SDHC: variants seen among roughly 807,000 people sequenced by gnomAD.
SDHC encodes the protein succinate dehydrogenase cytochrome b560 subunit, mitochondrial.
A neutral mutation model predicts 22.6 loss-of-function variants in SDHC; 11 were observed. The ratio of observed to expected loss-of-function variants is 0.49; its 90% CI spans 0.31 to 0.81. The LOEUF (loss-of-function observed/expected upper bound fraction) is 0.81. SDHC is among the 30% of genes least tolerant of loss of function. SDHC has a pLI of 0.05. For synonymous variants in SDHC, 80 were observed against 77.8 expected (o/e 1.03, Z -0.15); for missense variants, 160 against 212.0 (o/e 0.75, Z 1.52).
chr1:161,340,401 G>A (rs558920553), intron 3 of SDHC, among the ~76,000 whole-genome samples, 193 bp from the exon 4 acceptor site: 2 of 151,598 alleles, frequency 1.3e-5, no homozygotes, highest in African/African-American at 2.4e-5. Context: ...GCTTGGACCC[G>A]GGAAGTGGAG....
At chr1:161,361,049 G>A (rs73024061) in intron 5 of SDHC, among the ~76,000 whole-genome samples, 2,258 of 152,106 alleles carry the variant, frequency 0.015, 55 homozygotes, top group African/African-American at 0.052. Context: ...GGAGGCTGAC[G>A]TTGCTGTGAG....
At chr1:161,352,221 T>C (rs779317358) in intron 4 of SDHC, among the ~76,000 whole-genome samples, 5 of 152,232 alleles carry the variant, frequency 3.3e-5, no homozygotes, top group Non-Finnish European at 7.3e-5. Context: ...AATTCTCATA[T>C]GTTTTTCACT....
At chr1:161,338,314 A>G (rs916598608) in intron 3 of SDHC, among the ~76,000 whole-genome samples, 1 of 152,174 alleles carries the variant, frequency 6.6e-6, no homozygotes, top group African/African-American at 2.4e-5. Context: ...CTTACTTACT[A>G]TGACCATTTT....
intron 4 of SDHC, among the ~76,000 whole-genome samples, chr1:161,346,261 A>G (rs1368491336): frequency 6.6e-6 from 1 of 152,222 alleles, no homozygotes; most frequent in African/African-American, 2.4e-5. Flanking sequence ...CATAGTGGTC[A>G]CTTAGAAGTG....
rs554880970 is a variant in SDHC at position 161,328,224 on chromosome 1, A to G, written c.78-172A>G. ...TCCATGTTGGTCAGGCTGGTCTCGA[A>G]CTTGTGACCTCAGGTGATCCGCCCG... On this transcript the variant is annotated intron_variant, in intron 2 of 5. Transcript: ENST00000367975. Among the ~76,000 whole-genome samples, 33 of 152,200 alleles carry G rather than the reference A, an allele frequency of 2.2e-4. No homozygotes were observed. The South Asian group carries it at 3.5e-3, about 16-fold the overall frequency.
intron 1 of SDHC, chr1:161,315,000 TTTAG>T (rs1180411693): frequency 6.5e-6 from 1 of 152,778 alleles, no homozygotes; most frequent in Non-Finnish European, 1.5e-5. Flanking sequence ...GGAATTCATT[TTTAG>T]TTAATCATTT....
chr1:161,334,687 C>T (rs999888302), intron 3 of SDHC, among the ~76,000 whole-genome samples: 1 of 145,536 alleles, frequency 6.9e-6, no homozygotes, highest in African/African-American at 2.6e-5. Context: ...TGTCCTCCCA[C>T]TTCGGCCTCC....
chr1:161,339,576 C>T, intron 3 of SDHC: 1 of 1,267,080 alleles, frequency 7.9e-7, no homozygotes, highest in Non-Finnish European at 1.0e-6. Flanking sequence ...ATCAGTGATG[C>T]AGTCTGGTAA....
intron 3 of SDHC, chr1:161,339,660 G>GGGTTTTTTTTTTTTTTTT: frequency 1.1e-5 from 1 of 87,234 alleles, no homozygotes; most frequent in Non-Finnish European, 2.2e-5. Context: ...CCTGATACAG[G>GGGTTTTTTTTTTTTTTTT]TGTTTTTTTT....
At position 161,362,474 on chromosome 1, in the gene SDHC, C is replaced by A. The variant is rs1160765882; in HGVS notation, c.*41C>A. 6 of 1,612,138 alleles carry A rather than the reference C, an allele frequency of 3.7e-6. No individual in the cohort carries two copies. In the Admixed American group the frequency reaches 6.7e-5, roughly 18 times the overall value. ...AGCATCATCTTCCTACACATTATTACATTCACCCATCTTTCTGTTTGTCAT... is the reference window on the plus strand; with the variant it reads ...AGCATCATCTTCCTACACATTATTAAATTCACCCATCTTTCTGTTTGTCAT... On this transcript the variant is annotated 3_prime_UTR_variant, in exon 6 of 6. Coordinates refer to ENST00000367975, the MANE Select transcript of SDHC (RefSeq NM_003001.5).
intron 4 of SDHC, among the ~76,000 whole-genome samples, chr1:161,353,490 T>G (rs60405593): frequency 0.12 from 17,790 of 152,154 alleles, 1,414 homozygotes; most frequent in African/African-American, 0.22. Flanking sequence ...TGTCAAAGAC[T>G]CTGAACCCTC....
At chr1:161,316,437 A>T (rs1571832494) in intron 1 of SDHC, among the ~76,000 whole-genome samples, 1 of 152,238 alleles carries the variant, frequency 6.6e-6, no homozygotes, top group East Asian at 1.9e-4. Context: ...CATTTGTTTA[A>T]CAAAGCACAT....
intron 3 of SDHC, among the ~76,000 whole-genome samples, chr1:161,329,521 G>A (rs960934859): frequency 1.3e-5 from 2 of 151,592 alleles, no homozygotes; most frequent in African/African-American, 4.9e-5. Flanking sequence ...AGTAAGAGAT[G>A]AGGTTTTGCC....
At chr1:161,336,881 T>A (rs1671506144) in intron 3 of SDHC, among the ~76,000 whole-genome samples, 1 of 152,068 alleles carries the variant, frequency 6.6e-6, no homozygotes, top group Non-Finnish European at 1.5e-5. Context: ...TTGTTTTTTT[T>A]GCTTTTGAGG....
intron 3 of SDHC, among the ~76,000 whole-genome samples, chr1:161,340,181 C>T (rs1405922205): frequency 6.6e-6 from 1 of 151,936 alleles, no homozygotes; most frequent in Non-Finnish European, 1.5e-5. Flanking sequence ...CCCAGCTACT[C>T]AGGAGGCTGA....
chr1:161,357,471 G>A (rs1169742050), intron 5 of SDHC, among the ~76,000 whole-genome samples: 1 of 152,020 alleles, frequency 6.6e-6, no homozygotes, highest in Non-Finnish European at 1.5e-5. Context: ...GCGATCTTGG[G>A]TCACTGCAAA....
intron 4 of SDHC, among the ~76,000 whole-genome samples, chr1:161,346,403 CTTT>C (rs765675394): frequency 6.9e-6 from 1 of 144,874 alleles, no homozygotes. Context: ...ACTGTGATAG[CTTT>C]TTTTTTTTTC....
chr1:161,350,729 T>C (rs184847681), intron 4 of SDHC, among the ~76,000 whole-genome samples: 139 of 152,344 alleles, frequency 9.1e-4, no homozygotes, highest in African/African-American at 3.1e-3. Context: ...CCATGTTTGG[T>C]CAACAGATGT....
At chr1:161,322,914 A>G (rs755815493) in intron 1 of SDHC, among the ~76,000 whole-genome samples, 3 of 152,024 alleles carry the variant, frequency 2.0e-5, no homozygotes, top group Non-Finnish European at 2.9e-5. Context: ...GCTAAGCTAT[A>G]TGGTTGCAGT....
Sources: gnomAD v4.1 joint callset for allele counts (sites outside exome capture counted in the v4.1 genomes callset) on GRCh38, gnomAD v4.1.1 for gene constraint, MANE v1.5 for transcripts, NCBI Gene and HGNC (gene_info 2026-07-23, HGNC 2026-07-21) for gene names.